Variants in CWC25 observed in about 807,000 individuals in gnomAD.
The protein encoded by CWC25 is pre-mRNA-splicing factor CWC25 homolog.
In CWC25, 31 loss-of-function variants were observed where a neutral mutation model predicts 54.6. The observed-to-expected ratio is 0.57, with a 90% CI of 0.43 to 0.77. The LOEUF (loss-of-function observed/expected upper bound fraction) is 0.77, where lower values mean the gene tolerates loss of function less well. Ranked by LOEUF, CWC25 falls within the 30% of genes least tolerant of loss-of-function variation. The pLI, the probability that CWC25 is intolerant of heterozygous loss-of-function variation, is 0.00. For missense variants in CWC25, 453 were observed against 529.3 expected (o/e 0.86, Z 1.41); for synonymous variants, 151 against 187.0 (o/e 0.81, Z 1.57).
At chr17:38,802,941 T>C in intron 8 of CWC25, 80 bp from the exon 9 acceptor site, 2 of 1,550,320 alleles carry the variant, frequency 1.3e-6, no homozygotes, top group Non-Finnish European at 1.8e-6. Flanking sequence ...AGAAGCCAGG[T>C]GGGACCCCAA....
At chr17:38,810,366 C>T in intron 5 of CWC25, 102 bp downstream of exon 5, 1 of 1,294,450 alleles carries the variant, frequency 7.7e-7, no homozygotes, top group Non-Finnish European at 1.0e-6. Flanking sequence ...ATGCCCAGTA[C>T]CTGGCAGCTT....
At chr17:38,814,281 T>G (rs1286344872) in intron 3 of CWC25, among the ~76,000 whole-genome samples, 1 of 151,340 alleles carries the variant, frequency 6.6e-6, no homozygotes, top group East Asian at 2.0e-4. Context: ...TTATTTTTAT[T>G]TTTTATTTTT....
intron 3 of CWC25, among the ~76,000 whole-genome samples, chr17:38,814,409 T>C (rs1027659200): frequency 1.3e-5 from 2 of 149,838 alleles, no homozygotes; most frequent in Non-Finnish European, 3.0e-5. Flanking sequence ...GCCTCCCAAA[T>C]AGCTGGGACT....
chr17:38,810,015 A>C (rs979046625), intron 5 of CWC25, among the ~76,000 whole-genome samples: 1 of 152,056 alleles, frequency 6.6e-6, no homozygotes, highest in Non-Finnish European at 1.5e-5. Context: ...CTCTCACTTC[A>C]TGCTGCTATT....
chr17:38,813,138 C>T (rs1039610837), intron 3 of CWC25, among the ~76,000 whole-genome samples: 9 of 149,844 alleles, frequency 6.0e-5, no homozygotes, highest in African/African-American at 2.2e-4. Context: ...CACAGCAAGA[C>T]TCTGTCTCCA....
intron 1 of CWC25, among the ~76,000 whole-genome samples, chr17:38,822,377 T>C (rs113796335): frequency 9.7e-4 from 148 of 152,200 alleles, no homozygotes; most frequent in Non-Finnish European, 1.5e-3. Context: ...CATTCATTCT[T>C]TGGAACTCAA....
chr17:38,809,639 A>T lies in CWC25; in HGVS notation c.690+63T>A. On this transcript the variant is annotated intron_variant, in intron 6 of 9. Coordinates refer to ENST00000614790, the MANE Select transcript of CWC25 (RefSeq NM_017748.5). ...CACTGCCCACCTCCCTGCTATCCAC[A>T]TTGTCCAAGTGGCACATCCCACAGT... The T allele has an allele frequency of 2.0e-6, 3 of 1,514,538 alleles. 1 individual carries two copies. Among genetic ancestry groups the T allele is most frequent in the South Asian group, 2.3e-5 (2 of 87,174 alleles). 93.8% of individuals were successfully genotyped at this position (1,514,538 alleles called of 1,614,324 possible).
At chr17:38,820,499 C>T (rs1057179057) in intron 2 of CWC25, among the ~76,000 whole-genome samples, 10 of 152,088 alleles carry the variant, frequency 6.6e-5, no homozygotes, top group Middle Eastern at 3.2e-3. Flanking sequence ...CCCCTGTCCC[C>T]GCCGACCCAA....
intron 2 of CWC25, among the ~76,000 whole-genome samples, chr17:38,817,312 C>A (rs893849160): frequency 1.3e-5 from 2 of 149,458 alleles, no homozygotes; most frequent in Non-Finnish European, 3.0e-5. Context: ...TGTACTCCAA[C>A]GCAGGTGACA....
Position 38,804,909 on chromosome 17 carries a change from C to A in CWC25, c.1001+1388G>T, listed in dbSNP as rs1287296162. ...ATCACCTGAGGTTGGGAGTTCGAGA[C>A]CAGCCTGACCAACATGGAGAAAGCC... On this transcript the variant is annotated intron_variant, in intron 8 of 9. Coordinates refer to ENST00000614790, the MANE Select transcript of CWC25 (RefSeq NM_017748.5). 4.0e-5 allele frequency among the ~76,000 whole-genome samples: 6 copies of A among 151,558 alleles called. No homozygotes were observed. The East Asian group carries it at 7.7e-4, about 20-fold the overall frequency.
intron 8 of CWC25, among the ~76,000 whole-genome samples, chr17:38,803,105 A>G (rs1911094566): frequency 6.6e-6 from 1 of 152,222 alleles, no homozygotes; most frequent in South Asian, 2.1e-4. Context: ...CTGAAATATG[A>G]AATATGAAAT....
rs181522200 is a variant in CWC25, at chr17:38,802,669, A to G, written c.1163+31T>C. Reference sequence around the variant, plus strand: ...CCTGCCTCTTAAGACCTTCCCCATGAAAGACCCTGGCAGGAAGAAGATGCA... The same window carrying G: ...CCTGCCTCTTAAGACCTTCCCCATGGAAGACCCTGGCAGGAAGAAGATGCA... On this transcript the variant is annotated intron_variant, in intron 9 of 9. Transcript: ENST00000614790. 11,186 of 1,611,750 alleles carry G rather than the reference A, an allele frequency of 6.9e-3. 57 individuals are homozygous for G. The highest frequency in any genetic ancestry group is 8.7e-3 in the Non-Finnish European group (10,261 of 1,178,642).
chr17:38,823,536 T>C (rs1414702284), intron 1 of CWC25, among the ~76,000 whole-genome samples: 2 of 151,984 alleles, frequency 1.3e-5, no homozygotes, highest in Non-Finnish European at 2.9e-5. Context: ...AATAAGATCA[T>C]GTCCACAAGG....
intron 4 of CWC25, among the ~76,000 whole-genome samples, chr17:38,810,968 C>T (rs1002129939): frequency 1.1e-4 from 16 of 148,004 alleles, no homozygotes; most frequent in Non-Finnish European, 2.1e-4. Context: ...TGGTGGCTCA[C>T]GCCTGTAATC....
Position 38,809,724 on chromosome 17 carries a change from T to C in CWC25, c.668A>G (p.Lys223Arg). 4.3e-6 allele frequency: 7 copies of C among 1,613,914 alleles called. No homozygotes were observed. The highest frequency in any genetic ancestry group is 1.7e-5 in the Admixed American group (1 of 59,998). Residue 223 changes from lysine to arginine, a missense_variant, in exon 6 of 10, where the codon AAA (lysine) becomes AGA (arginine). Lys to Arg is a conservative substitution (Grantham distance 26). Around this residue, in one of 2 missense-constraint regions of CWC25, gnomAD observed 444 missense variants for 499.2 expected, o/e 0.89. Transcript: ENST00000614790. ...KMANSSPVLSKVPGYGLQVRN... is the reference protein window; with the variant it reads ...KMANSSPVLSRVPGYGLQVRN... ...TACCTGTAAGCCATATCCAGGGACT[T>C]TGGACAAAACAGGGGAGGAATTTGC... is the stretch of plus-strand genomic sequence containing the variant.
chr17:38,806,444 G>A, intron 7 of CWC25, 49 bp from the exon 8 acceptor site: 1 of 1,449,108 alleles, frequency 6.9e-7, no homozygotes, highest in Non-Finnish European at 9.6e-7. Flanking sequence ...TTGGTCCAGG[G>A]GCTTACACTG....
intron 5 of CWC25, 58 bp downstream of exon 5, chr17:38,810,410 G>C: frequency 6.8e-7 from 1 of 1,479,268 alleles, no homozygotes; most frequent in Non-Finnish European, 9.0e-7. Flanking sequence ...TCTGTGGAAT[G>C]AATGAGTGAA....
intron 2 of CWC25, among the ~76,000 whole-genome samples, chr17:38,817,388 C>T (rs1019247336): frequency 6.6e-6 from 1 of 151,510 alleles, no homozygotes; most frequent in Non-Finnish European, 1.5e-5. Flanking sequence ...CTGTGGCTCA[C>T]ACCTGTAATC....
chr17:38,814,551 G>A (rs1911619153), intron 3 of CWC25, among the ~76,000 whole-genome samples: 1 of 151,626 alleles, frequency 6.6e-6, no homozygotes, highest in Admixed American at 6.6e-5. Flanking sequence ...AGACCATCCT[G>A]GCTAACATAG....
Sources: allele counts gnomAD v4.1 joint callset (sites outside exome capture counted in the v4.1 genomes callset), GRCh38; gene constraint gnomAD v4.1.1; regional missense constraint gnomAD v4.1.1; transcripts MANE v1.5; gene names NCBI Gene and HGNC (gene_info 2026-07-23, HGNC 2026-07-21).